The following QTMAN variants were observed in gnomAD, a reference collection of about 807,000 sequenced individuals.
The protein encoded by QTMAN is queuosine-tRNA mannosyltransferase.
chr2:144,142,971 C>T, the QTMAN span, among the ~76,000 whole-genome samples: 3 of 151,996 alleles, frequency 2.0e-5, no homozygotes, highest in African/African-American at 4.8e-5. Context: ...ATGGTATGTG[C>T]ACAATATTCT....
the QTMAN span, among the ~76,000 whole-genome samples, chr2:144,238,382 G>A: frequency 1.3e-5 from 2 of 152,154 alleles, no homozygotes; most frequent in African/African-American, 4.8e-5. Context: ...TACTAGAATA[G>A]TATCATGGGG....
At chr2:144,188,566 G>A in the QTMAN span, among the ~76,000 whole-genome samples, 2 of 152,098 alleles carry the variant, frequency 1.3e-5, no homozygotes, top group Non-Finnish European at 2.9e-5. Context: ...TGGAAGGATG[G>A]ATGGATGGAT....
chr2:144,266,420 T>C, the QTMAN span, among the ~76,000 whole-genome samples: 2 of 152,230 alleles, frequency 1.3e-5, no homozygotes, highest in Non-Finnish European at 2.9e-5. Context: ...ATTTAACTTC[T>C]GTAAGCCTCA....
the QTMAN span, among the ~76,000 whole-genome samples, chr2:144,278,850 G>A: frequency 6.6e-6 from 1 of 152,104 alleles, no homozygotes; most frequent in Admixed American, 6.6e-5. Flanking sequence ...ATAACTAGAT[G>A]ATGATTATAA....
At chr2:144,247,294 T>C in the QTMAN span, among the ~76,000 whole-genome samples, 7 of 152,174 alleles carry the variant, frequency 4.6e-5, no homozygotes, top group Non-Finnish European at 1.0e-4. Flanking sequence ...TCATAGAAGG[T>C]ATAGGAAGAA....
the QTMAN span, among the ~76,000 whole-genome samples, chr2:144,180,941 A>C: frequency 1.2e-3 from 184 of 152,300 alleles, no homozygotes; most frequent in Non-Finnish European, 2.3e-3. Flanking sequence ...AACTAAATTA[A>C]AGGGAAATTT....
At chr2:143,980,969 A>C in the QTMAN span, among the ~76,000 whole-genome samples, 3 of 152,104 alleles carry the variant, frequency 2.0e-5, no homozygotes, top group Admixed American at 2.0e-4. Flanking sequence ...CTTTGCCCAC[A>C]ATTCTTGTGT....
the QTMAN span, chr2:144,208,482 T>C: frequency 6.3e-6 from 5 of 792,444 alleles, no homozygotes; most frequent in Middle Eastern, 2.7e-4. Flanking sequence ...AAATATCTAC[T>C]ATAGTCATAA....
At chr2:144,098,842 T>C in the QTMAN span, among the ~76,000 whole-genome samples, 1 of 150,320 alleles carries the variant, frequency 6.7e-6, no homozygotes, top group South Asian at 2.1e-4. Flanking sequence ...AACCTATTTC[T>C]CTTAGAAAAA....
the QTMAN span, among the ~76,000 whole-genome samples, chr2:144,056,998 T>C: frequency 5.7e-4 from 87 of 152,378 alleles, 1 homozygote; most frequent in East Asian, 0.014. Context: ...TTACTTCCAT[T>C]TGGAGATCCA....
chr2:143,957,330 G>GA, the QTMAN span: 4 of 1,580,360 alleles, frequency 2.5e-6, no homozygotes, highest in South Asian at 1.2e-5. Context: ...TTTGGCCTCT[G>GA]AAAAAATATC....
At chr2:144,029,770 T>G in the QTMAN span, among the ~76,000 whole-genome samples, 4 of 152,108 alleles carry the variant, frequency 2.6e-5, no homozygotes, top group African/African-American at 7.2e-5. Flanking sequence ...GTCAAAACAC[T>G]ATCAAGTCAT....
the QTMAN span, among the ~76,000 whole-genome samples, chr2:144,114,738 G>C: frequency 1.3e-5 from 2 of 150,946 alleles, no homozygotes. Context: ...GTTGCACTTA[G>C]ATTTCAGCTT....
the QTMAN span, among the ~76,000 whole-genome samples, chr2:143,951,328 G>A: frequency 6.6e-6 from 1 of 151,596 alleles, no homozygotes; most frequent in South Asian, 2.1e-4. Context: ...TCTTTGTGTT[G>A]TTATTTCAAC....
the QTMAN span, chr2:143,938,271 C>T: frequency 6.6e-6 from 1 of 152,146 alleles, no homozygotes; most frequent in Admixed American, 6.5e-5. Flanking sequence ...TAATCAGGAT[C>T]ACAAAGCAAT....
At chr2:144,222,097 T>A in the QTMAN span, among the ~76,000 whole-genome samples, 1 of 152,058 alleles carries the variant, frequency 6.6e-6, no homozygotes, top group South Asian at 2.1e-4. Flanking sequence ...TCTTGCTCTG[T>A]CACCCAGGCT....
At chr2:144,126,738 GGTTTACT>G in the QTMAN span, among the ~76,000 whole-genome samples, 1 of 151,898 alleles carries the variant, frequency 6.6e-6, no homozygotes, top group Non-Finnish European at 1.5e-5. Context: ...GTTAAGTGGG[GGTTTACT>G]GTACTTCATT....
chr2:144,091,848 A>T, the QTMAN span, among the ~76,000 whole-genome samples: 2 of 152,234 alleles, frequency 1.3e-5, no homozygotes, highest in African/African-American at 4.8e-5. Context: ...CTAATCAGCA[A>T]TAAAAAAAAG....
At chr2:143,963,178 T>C in the QTMAN span, among the ~76,000 whole-genome samples, 1 of 152,114 alleles carries the variant, frequency 6.6e-6, no homozygotes, top group African/African-American at 2.4e-5. Flanking sequence ...ATTAAGGGGA[T>C]TGTTGTCATA....
Sources: allele counts gnomAD v4.1 joint callset (sites outside exome capture counted in the v4.1 genomes callset), GRCh38; gene constraint gnomAD v4.1.1; transcripts MANE v1.5; gene names NCBI Gene and HGNC (gene_info 2026-07-23, HGNC 2026-07-21).